The following NFKBIB variants were observed in gnomAD, a reference collection of about 807,000 sequenced individuals.
The protein encoded by NFKBIB is NFKB inhibitor beta.
A neutral mutation model predicts 32.1 loss-of-function variants in NFKBIB; 16 were observed. That is an observed-to-expected ratio of 0.50 (90% CI 0.34 to 0.76). The LOEUF is 0.76. Among genes scored for constraint, NFKBIB ranks in the 30% least tolerant of loss-of-function variants. NFKBIB has a pLI of 0.01. For synonymous variants in NFKBIB, 222 were observed against 219.5 expected, an observed-to-expected ratio of 1.01 and a Z score of -0.10; for missense variants, 437 against 514.9, an observed-to-expected ratio of 0.85 and a Z score of 1.46.
At chr19:38,906,548 C>T (rs1974127920) in intron 3 of NFKBIB, among the ~76,000 whole-genome samples, 3 of 145,796 alleles carry the variant, frequency 2.1e-5, no homozygotes. Flanking sequence ...CAGCTCACTG[C>T]AAGCTCCGCC....
intron 1 of NFKBIB, among the ~76,000 whole-genome samples, chr19:38,904,811 G>A (rs1300456218): frequency 6.6e-6 from 1 of 151,930 alleles, no homozygotes; most frequent in African/African-American, 2.4e-5. Context: ...CTTCATTTTG[G>A]GCAGAAGTGG....
chr19:38,899,809 G>A (rs200400529), upstream of NFKBIB: 1 of 685,082 alleles, frequency 1.5e-6, no homozygotes. Context: ...GTTGGTAAAG[G>A]GCGCCCGGAA....
chr19:38,906,267 T>TGGGATTACA (rs1487263919), intron 3 of NFKBIB, among the ~76,000 whole-genome samples: 4 of 150,528 alleles, frequency 2.7e-5, no homozygotes, highest in East Asian at 2.0e-4. Flanking sequence ...CCCGAGTAGC[T>TGGGATTACA]GGGATTACAG....
At chr19:38,902,098 T>TTTTTTTTTTTG (rs56689256) in intron 1 of NFKBIB, among the ~76,000 whole-genome samples, 1 of 141,216 alleles carries the variant, frequency 7.1e-6, no homozygotes, top group East Asian at 2.2e-4. Flanking sequence ...TTTTTTTTTT[T>TTTTTTTTTTTG]GAGATGGAGT....
intron 5 of NFKBIB, 172 bp from the exon 6 acceptor site, chr19:38,908,558 AG>A (rs368538007): frequency 3.9e-6 from 5 of 1,293,636 alleles, no homozygotes; most frequent in Admixed American, 4.0e-5. Flanking sequence ...AAAAAAAAAA[AG>A]AAAGAAAAGA....
At chr19:38,906,831 G>A (rs1036659313) in intron 3 of NFKBIB, among the ~76,000 whole-genome samples, 2 of 152,058 alleles carry the variant, frequency 1.3e-5, no homozygotes, top group African/African-American at 4.8e-5. Context: ...TTGAACTCCT[G>A]AGCTCAAGTG....
chr19:38,905,094 A>T lies in NFKBIB; in HGVS notation c.259A>T (p.Met87Leu). The change falls in exon 2 of 6, where the codon ATG becomes TTG. Residue 87 changes from methionine to leucine, a missense_variant. By Grantham distance (15) the Met-to-Leu change is conservative. Transcript: ENST00000313582. This position sits in a 1 kb window ranked among gnomAD's most constrained non-coding sequence, Gnocchi z 5.5. ...LLGFSAGTEYMDLQNDLGQTA... is the reference protein window; with the variant it reads ...LLGFSAGTEYLDLQNDLGQTA... ...AGGCTTCTCGGCCGGCACTGAGTAC[A>T]TGGACCTGCAGAATGACCTAGGCCA... 1 of 1,614,170 alleles carries T rather than the reference A, an allele frequency of 6.2e-7. No homozygotes were observed. The highest frequency in any genetic ancestry group is 2.2e-5 in the East Asian group (1 of 44,884).
At position 38,905,637 on chromosome 19, in the gene NFKBIB, C is replaced by G. The variant is rs569646722; in HGVS notation, c.619+102C>G. 1.2e-4 allele frequency: 111 copies of G among 927,774 alleles called. 1 individual carries two copies. The African/African-American group carries it at 1.7e-3, about 14-fold the overall frequency. The allele number at this position is 927,774 out of a possible 1,614,324, so 57.5% of individuals were successfully genotyped here. ...TTTGAGACTGAGCTCCTTGGGAAATCATGCCTAGGCTTCAGGAGCCCACAC... is the reference window on the plus strand; with the variant it reads ...TTTGAGACTGAGCTCCTTGGGAAATGATGCCTAGGCTTCAGGAGCCCACAC... On this transcript the variant is annotated intron_variant, in intron 3 of 5. Transcript: ENST00000313582. The surrounding 1 kb of genome is among the most constrained non-coding windows in gnomAD (Gnocchi z 5.5).
Position 38,905,614 on chromosome 19 carries a change from T to G in NFKBIB, c.619+79T>G. 1.7e-6 allele frequency: 2 copies of G among 1,163,636 alleles called. No individual in the cohort carries two copies. Among genetic ancestry groups the G allele is most frequent in the Non-Finnish European group, 2.4e-6 (2 of 819,786 alleles). 72.1% of individuals were successfully genotyped at this position (1,163,636 alleles called of 1,614,324 possible). A position where few individuals can be genotyped will look rare whatever the true frequency, so the allele number is the denominator to read the frequency against. ...GGCCCTGGGCTCAGCTTCCCTGATT[T>G]GAGACTGAGCTCCTTGGGAAATCAT... On this transcript the variant is annotated intron_variant, in intron 3 of 5. Transcript: ENST00000313582. This position sits in a 1 kb window ranked among gnomAD's most constrained non-coding sequence, Gnocchi z 5.5.
chr19:38,903,035 C>T (rs1974015399), intron 1 of NFKBIB, among the ~76,000 whole-genome samples: 1 of 151,972 alleles, frequency 6.6e-6, no homozygotes, highest in South Asian at 2.1e-4. Flanking sequence ...CGCCACTGCA[C>T]TCCAGCCTGG....
Position 38,907,653 on chromosome 19 carries a change from C to T in NFKBIB, c.963C>T (p.Asp321=), listed in dbSNP as rs776643132. Residue 321 remains aspartate (D), a synonymous_variant, in exon 5 of 6, where the codon GAC becomes GAT. Coordinates refer to ENST00000313582, the MANE Select transcript of NFKBIB (RefSeq NM_002503.5). The stretch of plus-strand genomic sequence containing the variant: ...GCAGTAGCGACAGCGACAGCGGAGA[C>T]GAGGGCGTGAGTCAGGAGGAGAGAC... ...CSSSSDSDSG[D]EGDEYDDIVV... 32 of 1,602,556 alleles carry T rather than the reference C, an allele frequency of 2.0e-5. No homozygotes were observed. The highest frequency in any genetic ancestry group is 1.7e-4 in the Middle Eastern group (1 of 6,060).
intron 1 of NFKBIB, among the ~76,000 whole-genome samples, chr19:38,903,085 C>T (rs1974016988): frequency 6.6e-6 from 1 of 151,588 alleles, no homozygotes; most frequent in Admixed American, 6.6e-5. Flanking sequence ...ACAAAACAAA[C>T]AAACAAAAAA....
At chr19:38,908,541 A>T in intron 5 of NFKBIB, 190 bp from the exon 6 acceptor site, 5 of 996,956 alleles carry the variant, frequency 5.0e-6, no homozygotes, top group Non-Finnish European at 6.4e-6. Flanking sequence ...TCCATCTTAA[A>T]AAAAAAAAAA....
chr19:38,906,708 A>G (rs1974135104), intron 3 of NFKBIB, among the ~76,000 whole-genome samples: 2 of 151,574 alleles, frequency 1.3e-5, no homozygotes, highest in Admixed American at 1.3e-4. Context: ...TGACCTCGTG[A>G]TCCACCCGCC....
Position 38,908,138 on chromosome 19 carries a change from C to T in NFKBIB, c.969+479C>T, listed in dbSNP as rs923558983. 3.5e-5 allele frequency: 35 copies of T among 1,000,040 alleles called. No individual in the cohort carries two copies. In the Admixed American group the frequency reaches 5.7e-4, roughly 16 times the overall value. The allele number at this position is 1,000,040 out of a possible 1,614,324, so 61.9% of individuals were successfully genotyped here. On this transcript the variant is annotated intron_variant, in intron 5 of 5. Coordinates refer to ENST00000313582, the MANE Select transcript of NFKBIB (RefSeq NM_002503.5). ...AAGGCGCGGTGCTGGATGATGGGTG[C>T]GGAGGAATTTGGGTAAAGGCAGAGG... is the stretch of plus-strand genomic sequence containing the variant.
rs920628086 is a variant in NFKBIB, at chr19:38,905,783, G to A, written c.619+248G>A. On this transcript the variant is annotated intron_variant, in intron 3 of 5. Transcript: ENST00000313582. This position sits in a 1 kb window ranked among gnomAD's most constrained non-coding sequence, Gnocchi z 5.5. Reference sequence around the variant, plus strand: ...TGCAGACCTGTCACCCACAGACCCAGAGCTGCCAGGATCCAGTTGTCGGGC... The same window carrying A: ...TGCAGACCTGTCACCCACAGACCCAAAGCTGCCAGGATCCAGTTGTCGGGC... Among the ~76,000 whole-genome samples the A allele has an allele frequency of 6.6e-6, 1 of 152,082 alleles. No homozygotes were observed. The highest frequency in any genetic ancestry group is 1.5e-5 in the Non-Finnish European group (1 of 67,998).
rs759819967 is a variant in NFKBIB at position 38,908,886 on chromosome 19, A to C, written c.*54A>C. 193 of 1,606,162 alleles carry C rather than the reference A, an allele frequency of 1.2e-4. No homozygotes were observed. The highest frequency in any genetic ancestry group is 9.3e-5 in the Non-Finnish European group (109 of 1,177,322). ...TTTAATAAACAAAACCCTAGTTCTG[A>C]CAACCAGAGACCAGACTGATCTTGT... On this transcript the variant is annotated 3_prime_UTR_variant, in exon 6 of 6. Coordinates refer to ENST00000313582, the MANE Select transcript of NFKBIB (RefSeq NM_002503.5).
intron 5 of NFKBIB, chr19:38,907,934 C>T (rs911255928): frequency 3.9e-6 from 5 of 1,285,508 alleles, no homozygotes; most frequent in African/African-American, 3.0e-5. Flanking sequence ...GTGAACACAG[C>T]GGGGGTGGGT....
chr19:38,907,093 C>G, intron 3 of NFKBIB, 128 bp from the exon 4 acceptor site: 2 of 848,218 alleles, frequency 2.4e-6, no homozygotes, highest in African/African-American at 3.4e-5. Context: ...TTGCCATACC[C>G]AAGAATTCAG....
Sources: gnomAD v4.1 joint callset for allele counts (sites outside exome capture counted in the v4.1 genomes callset) on GRCh38, gnomAD v4.1.1 for gene constraint, Gnocchi (gnomAD v3.1) non-coding constraint, MANE v1.5 for transcripts, NCBI Gene and HGNC (gene_info 2026-07-23, HGNC 2026-07-21) for gene names.